The following VRTN variants were observed in gnomAD, a reference collection of about 807,000 sequenced individuals.
VRTN encodes the protein vertebrae development associated.
Under a neutral mutation model 18.2 loss-of-function variants are expected in VRTN, and 5 were observed. That is an observed-to-expected ratio of 0.27 (90% CI 0.14 to 0.58). The LOEUF (loss-of-function observed/expected upper bound fraction) is 0.58. VRTN is among the 20% of genes least tolerant of loss of function. The pLI is 0.91. For missense variants in VRTN, 741 were observed against 939.4 expected (o/e 0.79, Z 2.76); for synonymous variants, 381 against 393.7 (o/e 0.97, Z 0.38).
chr14:74,310,085 T>C (rs1397274503), intron 1 of VRTN, among the ~76,000 whole-genome samples: 1 of 152,094 alleles, frequency 6.6e-6, no homozygotes, highest in African/African-American at 2.4e-5. Context: ...CTGTGTAGAA[T>C]ATATTTTGCA....
intron 1 of VRTN, among the ~76,000 whole-genome samples, chr14:74,322,700 A>G (rs1361142199): frequency 6.6e-6 from 1 of 152,070 alleles, no homozygotes; most frequent in African/African-American, 2.4e-5. Flanking sequence ...TTTCTTGTCA[A>G]TGTCCTGCAG....
intron 1 of VRTN, among the ~76,000 whole-genome samples, chr14:74,325,392 A>G (rs1025857443): frequency 6.6e-6 from 1 of 152,146 alleles, no homozygotes; most frequent in South Asian, 2.1e-4. Context: ...AAGAATTACA[A>G]AATGTATAAA....
chr14:74,356,953 A>T lies in VRTN; in HGVS notation c.170A>T (p.Glu57Val). ...GGAGGCCCTGGCCTCCAGGTGCTGG[A>T]AGTGGACTCGGTGGCCCTGAGCCTG... Reference protein sequence around the residue: ...REGGPGLQVLEVDSVALSLYP... With the variant: ...REGGPGLQVLVVDSVALSLYP... Residue 57 changes from glutamate to valine, a missense_variant, in exon 2 of 2, where the codon GAA (glutamate) becomes GTA (valine). Physicochemically the swap from Glu to Val is moderately radical, Grantham distance 121. This residue lies in a region of VRTN where 186 missense variants were observed against 288.3 expected (regional missense o/e 0.65). Transcript: ENST00000256362. The T allele has an allele frequency of 6.2e-7, 1 of 1,613,926 alleles. No homozygotes were observed. The highest frequency in any genetic ancestry group is 2.2e-5 in the East Asian group (1 of 44,868).
chr14:74,341,669 G>C (rs1475275455), intron 2 of VRTN, among the ~76,000 whole-genome samples: 1 of 152,024 alleles, frequency 6.6e-6, no homozygotes. Context: ...CAGGCGCCCA[G>C]CACCATGCCC....
At chr14:74,310,533 G>GTTT (rs71449187) in intron 1 of VRTN, among the ~76,000 whole-genome samples, 74 of 124,050 alleles carry the variant, frequency 6.0e-4, no homozygotes, top group Middle Eastern at 4.6e-3. Flanking sequence ...TGCTGCCTCT[G>GTTT]TTTTTTTTTT....
chr14:74,334,117 C>G (rs568347650), intron 1 of VRTN, among the ~76,000 whole-genome samples: 1 of 152,162 alleles, frequency 6.6e-6, no homozygotes, highest in Non-Finnish European at 1.5e-5. Context: ...ATTACTAAAG[C>G]CCTCAGAACG....
chr14:74,337,833 C>T (rs2085575117), exon 2 of VRTN: 1 of 152,188 alleles, frequency 6.6e-6, no homozygotes, highest in Non-Finnish European at 1.5e-5. Context: ...CATTGCCCAT[C>T]CCAGGTACCT....
At chr14:74,310,290 G>A (rs1014403903) in intron 1 of VRTN, among the ~76,000 whole-genome samples, 1 of 151,370 alleles carries the variant, frequency 6.6e-6, no homozygotes, top group African/African-American at 2.4e-5. Context: ...CCAGCTACTC[G>A]GGAGACTGAG....
intron 1 of VRTN, among the ~76,000 whole-genome samples, chr14:74,321,609 G>A (rs974809751): frequency 2.0e-5 from 3 of 150,446 alleles, no homozygotes; most frequent in South Asian, 2.1e-4. Flanking sequence ...GGGTTCAAGC[G>A]ATTCTCCTGC....
chr14:74,314,362 T>C (rs2140193390), intron 1 of VRTN, among the ~76,000 whole-genome samples: 1 of 150,290 alleles, frequency 6.7e-6, no homozygotes, highest in East Asian at 2.0e-4. Flanking sequence ...CCTTCAGAAA[T>C]GAGGACCAAA....
At position 74,357,329 on chromosome 14, in the gene VRTN, C is replaced by T. The variant is rs908350835; in HGVS notation, c.546C>T (p.Val182=). Residue 182 remains valine (V), a synonymous_variant, in exon 2 of 2, where the codon GTC becomes GTT. Transcript: ENST00000256362. This position sits in a 1 kb window ranked among gnomAD's most constrained non-coding sequence, Gnocchi z 7.8. ...NVWHLYALAS[V]LQRNIYSIYP... The stretch of plus-strand genomic sequence containing the variant: ...GGCACTTGTATGCTCTCGCCTCTGT[C>T]CTCCAGCGGAACATCTACTCCATCT... 1 of 1,614,120 alleles carries T rather than the reference C, an allele frequency of 6.2e-7. No homozygotes were observed. The highest frequency in any genetic ancestry group is 8.5e-7 in the Non-Finnish European group (1 of 1,179,984).
intron 1 of VRTN, among the ~76,000 whole-genome samples, chr14:74,303,842 G>GCTTTTTTTTTTTTTTTTTT (rs1567031977): frequency 8.3e-6 from 1 of 120,870 alleles, no homozygotes. Context: ...GACAATTACA[G>GCTTTTTTTTTTTTTTTTTT]ATTTTTTTTT....
chr14:74,320,239 G>C (rs556925990), intron 1 of VRTN, among the ~76,000 whole-genome samples: 128 of 135,194 alleles, frequency 9.5e-4, no homozygotes, highest in African/African-American at 3.3e-3. Context: ...GACAGAGCAA[G>C]ATCCCATCCC....
chr14:74,325,011 G>A (rs1054316475), intron 1 of VRTN, among the ~76,000 whole-genome samples: 3 of 152,084 alleles, frequency 2.0e-5, no homozygotes, highest in African/African-American at 7.2e-5. Context: ...AAAAGAGTGT[G>A]ATCCTTCCAG....
At chr14:74,338,489 A>C (rs1335092403) in intron 2 of VRTN, among the ~76,000 whole-genome samples, 2 of 152,178 alleles carry the variant, frequency 1.3e-5, no homozygotes, top group Non-Finnish European at 2.9e-5. Context: ...GACTGCGTTC[A>C]CTCTTTGTGT....
chr14:74,345,129 C>A (rs1392571866), upstream of VRTN, among the ~76,000 whole-genome samples: 1 of 152,090 alleles, frequency 6.6e-6, no homozygotes, highest in Non-Finnish European at 1.5e-5. Context: ...CTCACTGCAG[C>A]CTTCACCTCC....
chr14:74,328,071 G>A (rs530082620), intron 1 of VRTN, among the ~76,000 whole-genome samples: 20 of 152,208 alleles, frequency 1.3e-4, no homozygotes, highest in African/African-American at 4.6e-4. Flanking sequence ...AAAGGCGTGA[G>A]CCACCACACC....
intron 1 of VRTN, among the ~76,000 whole-genome samples, chr14:74,305,236 G>A (rs573832683): frequency 6.6e-6 from 1 of 151,804 alleles, no homozygotes; most frequent in African/African-American, 2.4e-5. Flanking sequence ...GGAGGCTGAG[G>A]CAGGAGAATT....
chr14:74,311,185 T>A (rs932923326), intron 1 of VRTN, among the ~76,000 whole-genome samples: 10 of 152,124 alleles, frequency 6.6e-5, no homozygotes, highest in African/African-American at 2.4e-4. Flanking sequence ...GTTTTTTAAT[T>A]GAAAAATTGA....
Sources: allele counts gnomAD v4.1 joint callset (sites outside exome capture counted in the v4.1 genomes callset), GRCh38; gene constraint gnomAD v4.1.1; regional missense constraint gnomAD v4.1.1; non-coding constraint Gnocchi (gnomAD v3.1); transcripts MANE v1.5; gene names NCBI Gene and HGNC (gene_info 2026-07-23, HGNC 2026-07-21).